The following MAP3K4 variants were observed in gnomAD, a reference collection of about 807,000 sequenced individuals.
The protein encoded by MAP3K4 is MAP three kinase 1.
MAP3K4 carries 67 observed loss-of-function variants against 185.6 expected under a neutral mutation model. The observed-to-expected ratio is 0.36, with a 90% confidence interval of 0.30 to 0.44. The LOEUF (loss-of-function observed/expected upper bound fraction) is 0.44, where lower values mean the gene tolerates loss of function less well. MAP3K4 is among the 20% of genes least tolerant of loss of function. The probability of loss-of-function intolerance (pLI) is 1.00; values close to 1 mark genes in which losing one functional copy is unlikely to be tolerated. For synonymous variants in MAP3K4, 702 were observed against 710.4 expected (o/e 0.99, Z 0.19); for missense variants, 1,551 against 1,995.1 (o/e 0.78, Z 4.24).
In MAP3K4 at chr6:160,991,993, C is replaced by A. The variant is rs958651224; in HGVS notation, c.62C>A (p.Ala21Asp). ...GCCTTTGCCGTCACGCCTGCCGCCG[C>A]CATGGAGGAGCCGCCGCCACCGCCG... The part of the protein sequence containing the change: ...PPAFAVTPAA[A>D]MEEPPPPPPP... The change falls in exon 1 of 27, where the codon GCC (alanine) becomes GAC (aspartate). Residue 21 changes from alanine to aspartate, a missense_variant. This residue lies in a region of MAP3K4 where 287 missense variants were observed against 268.8 expected (regional missense o/e 1.07). Transcript: ENST00000392142. This position sits in a 1 kb window ranked among gnomAD's most constrained non-coding sequence, Gnocchi z 5.7. The A allele has an allele frequency of 6.5e-6, 10 of 1,545,964 alleles. No homozygotes were observed. The highest frequency in any genetic ancestry group is 8.7e-6 in the Non-Finnish European group (10 of 1,152,678).
chr6:161,102,138 C>A, intron 18 of MAP3K4, 146 bp downstream of exon 18: 1 of 634,512 alleles, frequency 1.6e-6, no homozygotes. Context: ...GTAAGAAGCA[C>A]AGAGCTTTAT....
At chr6:161,094,980 A>C (rs1777505412) in intron 15 of MAP3K4, among the ~76,000 whole-genome samples, 1 of 152,366 alleles carries the variant, frequency 6.6e-6, no homozygotes, top group Admixed American at 6.5e-5. Flanking sequence ...AAGTATCTAG[A>C]AAAATATGGA....
At chr6:161,069,797 G>C (rs568156574) in intron 3 of MAP3K4, among the ~76,000 whole-genome samples, 1 of 152,228 alleles carries the variant, frequency 6.6e-6, no homozygotes, top group East Asian at 1.9e-4. Flanking sequence ...GGAATGATGG[G>C]GAGGGGAGAA....
intron 2 of MAP3K4, among the ~76,000 whole-genome samples, chr6:161,044,782 G>A (rs1385655119): frequency 2.0e-5 from 3 of 152,130 alleles, no homozygotes; most frequent in Non-Finnish European, 4.4e-5. Flanking sequence ...GCCTCAAGAA[G>A]CTTTTACTCA....
chr6:160,995,156 T>G (rs1258611970), intron 1 of MAP3K4, among the ~76,000 whole-genome samples: 3 of 152,168 alleles, frequency 2.0e-5, no homozygotes, highest in African/African-American at 2.4e-5. Flanking sequence ...AGGAGTAAGG[T>G]GGTATCTCAT....
At chr6:161,041,399 G>A (rs1235958789) in intron 2 of MAP3K4, among the ~76,000 whole-genome samples, 5 of 152,114 alleles carry the variant, frequency 3.3e-5, no homozygotes, top group Non-Finnish European at 5.9e-5. Flanking sequence ...TAACCCTGCC[G>A]AGGCCCAGGA....
chr6:161,012,549 C>A (rs1037322801), intron 1 of MAP3K4, among the ~76,000 whole-genome samples: 4 of 152,064 alleles, frequency 2.6e-5, no homozygotes, highest in Non-Finnish European at 5.9e-5. Flanking sequence ...AGTGGCATAA[C>A]TTGTTGCTTT....
At position 161,115,787 on chromosome 6, in the gene MAP3K4, A is replaced by G. The variant is rs890810611; in HGVS notation, c.4806+485A>G. On this transcript the variant is annotated intron_variant, in intron 26 of 26. Coordinates refer to ENST00000392142, the MANE Select transcript of MAP3K4 (RefSeq NM_005922.4). This position sits in a 1 kb window ranked among gnomAD's most constrained non-coding sequence, Gnocchi z 6.0. The stretch of plus-strand genomic sequence containing the variant: ...GGGGAGGGGGCATGGAAGACAAAGT[A>G]AAGAAACTTGGAAACGCTCACCCTT... Among the ~76,000 whole-genome samples, 1 of 152,144 alleles carries G rather than the reference A, an allele frequency of 6.6e-6. No individual in the cohort carries two copies. The highest frequency in any genetic ancestry group is 1.5e-5 in the Non-Finnish European group (1 of 68,020).
Position 161,101,881 on chromosome 6 carries a change from T to C in MAP3K4, c.3675-11T>C, listed in dbSNP as rs866057842. On this transcript the variant is annotated splice_polypyrimidine_tract_variant and intron_variant, in intron 17 of 26. Transcript: ENST00000392142. The surrounding 1 kb of genome is among the most constrained non-coding windows in gnomAD (Gnocchi z 5.1). ...GAATTGATAGCTCAATTATTAAAAA[T>C]ATTAAAACAGGGGTTCCAGCGTTCC... 9 of 1,606,014 alleles carry C rather than the reference T, an allele frequency of 5.6e-6. No homozygotes were observed. The Middle Eastern group carries it at 1.2e-3, about 207-fold the overall frequency.
rs1562464115 is a variant in MAP3K4, at chr6:160,991,875, C to G, written c.-57C>G. 4.2e-6 allele frequency: 6 copies of G among 1,440,588 alleles called. No homozygotes were observed. Among genetic ancestry groups the G allele is most frequent in the Non-Finnish European group, 5.4e-6 (6 of 1,107,456 alleles). The allele number at this position is 1,440,588 out of a possible 1,614,324, so 89.2% of individuals were successfully genotyped here. On this transcript the variant is annotated 5_prime_UTR_variant, in exon 1 of 27. Coordinates refer to ENST00000392142, the MANE Select transcript of MAP3K4 (RefSeq NM_005922.4). The surrounding 1 kb of genome is among the most constrained non-coding windows in gnomAD (Gnocchi z 5.7). ...ACTCCCGCACTTCGGGGCTCCGGTG[C>G]CCCGCGCCAGGCTGCAGCTTACTGC...
In MAP3K4 at chr6:161,026,312, T is replaced by C. The variant is rs1366086157; in HGVS notation, c.153-7947T>C. Among the ~76,000 whole-genome samples, 3 of 150,948 alleles carry C rather than the reference T, an allele frequency of 2.0e-5. No homozygotes were observed. In the South Asian group the frequency reaches 6.3e-4, roughly 32 times the overall value. ...CGCGCAGCTAATTTTTTTTTTTGTA[T>C]GTTTAGTAAAGACGGGGTTTCACCA... is the stretch of plus-strand genomic sequence containing the variant. On this transcript the variant is annotated intron_variant, in intron 1 of 26. Transcript: ENST00000392142.
In MAP3K4 at chr6:161,089,371, A is replaced by G. The variant is rs774920333; in HGVS notation, c.2873A>G (p.Gln958Arg). Residue 958 changes from glutamine (Q) to arginine (R), a missense_variant, in exon 11 of 27, where the codon CAG (glutamine) becomes CGG (arginine). Gln to Arg is a conservative substitution (Grantham distance 43). Around this residue, in one of 16 missense-constraint regions of MAP3K4, gnomAD observed 261 missense variants for 306.5 expected, o/e 0.85. Coordinates refer to ENST00000392142, the MANE Select transcript of MAP3K4 (RefSeq NM_005922.4). The stretch of plus-strand genomic sequence containing the variant: ...ATGCAGTCTGCGCATCTCACAATTC[A>G]GAGAAAAGCTTTCCAGCAGTCCATT... ...VVMQSAHLTI[Q>R]RKAFQQSIEG... 6.2e-7 allele frequency: 1 copy of G among 1,614,176 alleles called. No individual in the cohort carries two copies. The highest frequency in any genetic ancestry group is 8.5e-7 in the Non-Finnish European group (1 of 1,180,028).
Position 161,061,066 on chromosome 6 carries a change from A to G in MAP3K4, c.1708-9542A>G, listed in dbSNP as rs1320346534. 6.6e-6 allele frequency among the ~76,000 whole-genome samples: 1 copy of G among 152,232 alleles called. No individual in the cohort carries two copies. The highest frequency in any genetic ancestry group is 2.4e-5 in the African/African-American group (1 of 41,462). On this transcript the variant is annotated intron_variant, in intron 3 of 26. Coordinates refer to ENST00000392142, the MANE Select transcript of MAP3K4 (RefSeq NM_005922.4). The surrounding 1 kb of genome is among the most constrained non-coding windows in gnomAD (Gnocchi z 4.2). ...TTTTACTGTTTAGTGGGCAGATGAA[A>G]ACACATACACAAAATGCATCACATG...
Position 161,073,647 on chromosome 6 carries a change from C to T in MAP3K4, c.2097+35C>T. On this transcript the variant is annotated intron_variant, in intron 5 of 26. Coordinates refer to ENST00000392142, the MANE Select transcript of MAP3K4 (RefSeq NM_005922.4). This position sits in a 1 kb window ranked among gnomAD's most constrained non-coding sequence, Gnocchi z 4.2. ...AGTGGGGAGGAATTTTTCTTTCTTTCTTTGTTTCTTTTTTTAAAAAAGTAA... is the reference window on the plus strand; with the variant it reads ...AGTGGGGAGGAATTTTTCTTTCTTTTTTTGTTTCTTTTTTTAAAAAAGTAA... 1 of 1,584,516 alleles carries T rather than the reference C, an allele frequency of 6.3e-7. No individual in the cohort carries two copies. The highest frequency in any genetic ancestry group is 8.6e-7 in the Non-Finnish European group (1 of 1,166,222).
chr6:161,116,078 T>C lies in MAP3K4; in HGVS notation c.4807-772T>C. Among the ~76,000 whole-genome samples, 1 of 152,082 alleles carries C rather than the reference T, an allele frequency of 6.6e-6. No homozygotes were observed. The highest frequency in any genetic ancestry group is 1.9e-4 in the East Asian group (1 of 5,176). On this transcript the variant is annotated intron_variant, in intron 26 of 26. Coordinates refer to ENST00000392142, the MANE Select transcript of MAP3K4 (RefSeq NM_005922.4). The surrounding 1 kb of genome is among the most constrained non-coding windows in gnomAD (Gnocchi z 6.2). ...GCGGCATTTAAGAGTTAGAGTGCCGTGGCTGACCCCTGATTGGATGTGAAA... is the reference window on the plus strand; with the variant it reads ...GCGGCATTTAAGAGTTAGAGTGCCGCGGCTGACCCCTGATTGGATGTGAAA...
At position 161,054,085 on chromosome 6, in the gene MAP3K4, G is replaced by A. The variant is rs898495490; in HGVS notation, c.1707+4106G>A. ...ATGTCTTTATATATTTTTTGATTAC[G>A]TTACTTATAACCAGTGTTTGCAAAG... On this transcript the variant is annotated intron_variant, in intron 3 of 26. Coordinates refer to ENST00000392142, the MANE Select transcript of MAP3K4 (RefSeq NM_005922.4). The surrounding 1 kb of genome is among the most constrained non-coding windows in gnomAD (Gnocchi z 4.2). Among the ~76,000 whole-genome samples the A allele has an allele frequency of 2.0e-5, 3 of 152,104 alleles. No individual in the cohort carries two copies. Among genetic ancestry groups the A allele is most frequent in the Admixed American group, 1.3e-4 (2 of 15,280 alleles).
chr6:161,002,874 A>G (rs1185168808), intron 1 of MAP3K4, among the ~76,000 whole-genome samples: 3 of 152,076 alleles, frequency 2.0e-5, no homozygotes, highest in East Asian at 1.9e-4. Context: ...TACAGGCGTG[A>G]GCTCCCGCAC....
intron 1 of MAP3K4, among the ~76,000 whole-genome samples, chr6:161,012,149 TA>T (rs1781878311): frequency 1.3e-5 from 2 of 152,310 alleles, no homozygotes; most frequent in South Asian, 4.1e-4. Context: ...GAGGCTGCTT[TA>T]AGCTTGAAAT....
chr6:161,068,739 C>T (rs1023141632), intron 3 of MAP3K4, among the ~76,000 whole-genome samples: 1 of 152,132 alleles, frequency 6.6e-6, no homozygotes, highest in South Asian at 2.1e-4. Context: ...GCATGTTAAA[C>T]GTCTGCATGT....
Sources: gnomAD v4.1 joint callset for allele counts (sites outside exome capture counted in the v4.1 genomes callset) on GRCh38, gnomAD v4.1.1 for gene constraint, gnomAD v4.1.1 regional missense constraint, Gnocchi (gnomAD v3.1) non-coding constraint, MANE v1.5 for transcripts, NCBI Gene and HGNC (gene_info 2026-07-23, HGNC 2026-07-21) for gene names.